The following ACYP2 variants were observed in gnomAD, a reference collection of about 807,000 sequenced individuals.
The protein encoded by ACYP2 is acylphosphatase-2.
ACYP2 carries 12 observed loss-of-function variants against 11.2 expected under a neutral mutation model. The ratio of observed to expected loss-of-function variants is 1.08; its 90% CI spans 0.69 to 1.74. The LOEUF (loss-of-function observed/expected upper bound fraction) is 1.74. Ranked by LOEUF, ACYP2 falls within the 40% of genes most tolerant of loss-of-function variation. The pLI, the probability that ACYP2 is intolerant of heterozygous loss-of-function variation, is 0.00. For missense variants in ACYP2, 134 were observed against 101.9 expected (o/e 1.31, Z -1.35); for synonymous variants, 43 against 32.2 (o/e 1.33, Z -1.13).
At chr2:54,288,581 T>C (rs1689176854) in intron 6 of ACYP2, among the ~76,000 whole-genome samples, 1 of 152,042 alleles carries the variant, frequency 6.6e-6, no homozygotes, top group Non-Finnish European at 1.5e-5. Flanking sequence ...ACTTGCCTAC[T>C]ATAAATGATG....
chr2:54,295,582 G>A (rs1206868782), intron 6 of ACYP2, among the ~76,000 whole-genome samples: 1 of 152,016 alleles, frequency 6.6e-6, no homozygotes, highest in Non-Finnish European at 1.5e-5. Context: ...GATGACAAAG[G>A]CTCATTCATT....
At chr2:54,052,992 A>C (rs1862122) in intron 3 of ACYP2, among the ~76,000 whole-genome samples, 59,459 of 152,116 alleles carry the variant, frequency 0.39, 12,230 homozygotes, top group East Asian at 0.72. Context: ...ATTAGTTTTT[A>C]CTTTTACTAG....
intron 4 of ACYP2, among the ~76,000 whole-genome samples, chr2:54,096,160 G>T (rs1274526989): frequency 6.9e-6 from 1 of 145,940 alleles, no homozygotes; most frequent in Non-Finnish European, 1.5e-5. Context: ...CTCGGACGGG[G>T]CGGCTGCCGG....
intron 6 of ACYP2, among the ~76,000 whole-genome samples, chr2:54,176,889 T>C (rs149468219): frequency 4.6e-5 from 7 of 152,292 alleles, no homozygotes; most frequent in Non-Finnish European, 1.0e-4. Context: ...GATGTAGAAG[T>C]GGCCAAGGTC....
intron 6 of ACYP2, among the ~76,000 whole-genome samples, chr2:54,201,636 C>CTTTGTTTCTCTTTCTT (rs59874821): frequency 5.3e-4 from 50 of 93,690 alleles, no homozygotes; most frequent in African/African-American, 1.9e-3. Flanking sequence ...TTCTTTCTTT[C>CTTTGTTTCTCTTTCTT]TCTTTCTTTC....
chr2:54,144,817 A>G (rs940818821), intron 6 of ACYP2, among the ~76,000 whole-genome samples: 2 of 152,198 alleles, frequency 1.3e-5, no homozygotes, highest in African/African-American at 4.8e-5. Flanking sequence ...TATTTTTAAA[A>G]AACAGCTTTT....
At chr2:54,033,935 C>T (rs1441831402) in intron 2 of ACYP2, among the ~76,000 whole-genome samples, 3 of 152,214 alleles carry the variant, frequency 2.0e-5, no homozygotes, top group Admixed American at 6.5e-5. Context: ...ATATTTCAGA[C>T]ATCCTGAAAG....
At chr2:54,123,061 A>C (rs1411842229) in intron 4 of ACYP2, 1 of 275,244 alleles carries the variant, frequency 3.6e-6, no homozygotes, top group Admixed American at 5.3e-5. Flanking sequence ...ACTTGCTCCC[A>C]GCGGGAGGAA....
chr2:53,972,554 C>T (rs1033969977), intron 1 of ACYP2, among the ~76,000 whole-genome samples: 1 of 152,088 alleles, frequency 6.6e-6, no homozygotes, highest in Admixed American at 6.5e-5. Flanking sequence ...TTGCAGTGAG[C>T]CGAGATCGTG....
At position 54,015,544 on chromosome 2, in the gene ACYP2, T is replaced by C. The variant is rs967996147; in HGVS notation, c.63-35414T>C. Among the ~76,000 whole-genome samples, 3 of 151,510 alleles carry C rather than the reference T, an allele frequency of 2.0e-5. No homozygotes were observed. The South Asian group carries it at 6.2e-4, about 32-fold the overall frequency. ...GTGTGCCTGTAGTCCCAGCTACTCC[T>C]GAGGCTGAGGTAAGGATCACCTGAG... On this transcript the variant is annotated intron_variant, in intron 2 of 6. Coordinates refer to ENST00000607452, the MANE Select transcript of ACYP2 (RefSeq NM_001320586.2).
rs184419779 is a variant in ACYP2, at chr2:54,069,816, A to T, written c.277+12456A>T. Among the ~76,000 whole-genome samples, 29 of 152,362 alleles carry T rather than the reference A, an allele frequency of 1.9e-4. 1 individual carries two copies. The East Asian group carries it at 2.7e-3, about 14-fold the overall frequency. ...ACTAAGTTTTTGAATTTAGCTATGT[A>T]ATTGACATAATTGTAGTTAGCAAGT... is the stretch of plus-strand genomic sequence containing the variant. On this transcript the variant is annotated intron_variant, in intron 4 of 6. Transcript: ENST00000607452.
chr2:54,016,316 A>G (rs1673680622), intron 2 of ACYP2, among the ~76,000 whole-genome samples: 1 of 151,984 alleles, frequency 6.6e-6, no homozygotes. Context: ...AACACAATAC[A>G]GTGCATATAT....
intron 6 of ACYP2, among the ~76,000 whole-genome samples, chr2:54,219,905 A>ATATT (rs1288814375): frequency 6.8e-4 from 52 of 75,996 alleles, no homozygotes; most frequent in African/African-American, 2.6e-3. Context: ...ATATATATAT[A>ATATT]TTTTTTTTTT....
intron 4 of ACYP2, among the ~76,000 whole-genome samples, chr2:54,082,966 T>C (rs1572712007): frequency 1.3e-5 from 2 of 151,926 alleles, no homozygotes; most frequent in Admixed American, 6.6e-5. Flanking sequence ...TCCCAGCTAT[T>C]TGGGAGGCTG....
intron 6 of ACYP2, among the ~76,000 whole-genome samples, chr2:54,160,627 A>T (rs1682670529): frequency 2.0e-5 from 3 of 152,178 alleles, no homozygotes; most frequent in African/African-American, 7.2e-5. Context: ...AGGAGAAGAG[A>T]ATGTCAGATA....
chr2:53,995,978 C>T (rs1672554618), intron 2 of ACYP2, among the ~76,000 whole-genome samples: 1 of 151,862 alleles, frequency 6.6e-6, no homozygotes, highest in Non-Finnish European at 1.5e-5. Flanking sequence ...ACCAAAATTA[C>T]AAAAAATTAG....
At chr2:54,260,537 G>A (rs897202585) in intron 6 of ACYP2, among the ~76,000 whole-genome samples, 2 of 152,160 alleles carry the variant, frequency 1.3e-5, no homozygotes, top group African/African-American at 4.8e-5. Flanking sequence ...TGATCTTAGA[G>A]TTTAAGCTGG....
chr2:53,993,715 T>C (rs1272336680), intron 2 of ACYP2, among the ~76,000 whole-genome samples: 2 of 151,076 alleles, frequency 1.3e-5, no homozygotes, highest in African/African-American at 2.4e-5. Context: ...AAAAAAAAGA[T>C]TTGGGAATCA....
At chr2:54,070,563 G>C (rs1676982804) in intron 4 of ACYP2, among the ~76,000 whole-genome samples, 1 of 152,028 alleles carries the variant, frequency 6.6e-6, no homozygotes, top group Admixed American at 6.6e-5. Flanking sequence ...CAACCCCAGA[G>C]TTATTTAACA....
Sources: gnomAD v4.1 joint callset for allele counts (sites outside exome capture counted in the v4.1 genomes callset) on GRCh38, gnomAD v4.1.1 for gene constraint, MANE v1.5 for transcripts, NCBI Gene and HGNC (gene_info 2026-07-23, HGNC 2026-07-21) for gene names.